The following FAM171B variants were observed in gnomAD, a reference collection of about 807,000 sequenced individuals.
FAM171B encodes family with sequence similarity 171 member B.
In FAM171B, 19 loss-of-function variants were observed where a neutral mutation model predicts 75.6. That is an observed-to-expected ratio of 0.25 (90% CI 0.18 to 0.37). The LOEUF (loss-of-function observed/expected upper bound fraction) is 0.37, where lower values mean the gene tolerates loss of function less well. FAM171B is among the 10% of genes least tolerant of loss of function. The probability of loss-of-function intolerance (pLI) is 1.00; values close to 1 mark genes in which losing one functional copy is unlikely to be tolerated. For synonymous variants in FAM171B, 367 were observed against 361.7 expected (o/e 1.01, Z -0.17); for missense variants, 848 against 982.4 (o/e 0.86, Z 1.83).
intron 1 of FAM171B, among the ~76,000 whole-genome samples, chr2:186,716,265 C>T (rs1689873656): frequency 6.6e-6 from 1 of 152,140 alleles, no homozygotes; most frequent in African/African-American, 2.4e-5. Context: ...CATCCTGCCT[C>T]AGCCTCCCAA....
At chr2:186,740,707 TG>T (rs1690277774) in intron 2 of FAM171B, among the ~76,000 whole-genome samples, 1 of 152,196 alleles carries the variant, frequency 6.6e-6, no homozygotes, top group East Asian at 1.9e-4. Flanking sequence ...TTCTGGAGTC[TG>T]GGAAGTCTAA....
intron 1 of FAM171B, among the ~76,000 whole-genome samples, chr2:186,696,721 C>G (rs1312535001): frequency 6.6e-6 from 1 of 151,870 alleles, no homozygotes; most frequent in African/African-American, 2.4e-5. Context: ...AATTCTGGAA[C>G]TTCACATTTT....
intron 6 of FAM171B, 49 bp downstream of exon 6, chr2:186,754,098 G>A: frequency 2.2e-6 from 3 of 1,391,896 alleles, no homozygotes; most frequent in Non-Finnish European, 3.0e-6. Context: ...AAATAGTCTT[G>A]CTGGAACGGA....
intron 1 of FAM171B, among the ~76,000 whole-genome samples, chr2:186,736,075 T>C (rs1257445145): frequency 6.6e-6 from 1 of 152,204 alleles, no homozygotes; most frequent in Non-Finnish European, 1.5e-5. Flanking sequence ...TGAATATATA[T>C]GAGATTGTTG....
intron 6 of FAM171B, among the ~76,000 whole-genome samples, chr2:186,754,696 A>ATAG (rs1690506653): frequency 1.3e-5 from 2 of 152,206 alleles, no homozygotes; most frequent in South Asian, 4.1e-4. Flanking sequence ...TGCAGACACT[A>ATAG]TCATTCAAGA....
At chr2:186,740,696 G>T (rs1365042654) in intron 2 of FAM171B, among the ~76,000 whole-genome samples, 1 of 152,174 alleles carries the variant, frequency 6.6e-6, no homozygotes, top group East Asian at 1.9e-4. Flanking sequence ...ATTTCTTGCA[G>T]TTCTGGAGTC....
rs1444988866 is a variant in FAM171B, at chr2:186,751,209, T to C, written c.800T>C (p.Val267Ala). ...KIYSGGKELK[V>A]NGSIQVSLPL... is the part of the protein sequence containing the mutation. ...TATTCTGGAGGAAAAGAACTAAAGG[T>C]CAATGGCTCTATTCAAGTTTCTCTT... The change falls in exon 5 of 8, where the codon GTC becomes GCC. Residue 267 changes from valine (V) to alanine (A), a missense_variant. Around this residue, in one of 3 missense-constraint regions of FAM171B, gnomAD observed 665 missense variants for 729.0 expected, o/e 0.91. Transcript: ENST00000304698. 6.2e-7 allele frequency: 1 copy of C among 1,612,034 alleles called. No homozygotes were observed. The highest frequency in any genetic ancestry group is 1.3e-5 in the African/African-American group (1 of 74,902).
intron 1 of FAM171B, among the ~76,000 whole-genome samples, chr2:186,697,404 C>T (rs1430893414): frequency 6.6e-6 from 1 of 151,982 alleles, no homozygotes; most frequent in African/African-American, 2.4e-5. Flanking sequence ...CTGGGCCCAG[C>T]TAATTTTTAA....
Position 186,763,092 on chromosome 2 carries a change from T to A in FAM171B, c.*269T>A, listed in dbSNP as rs1690647347. 2.8e-6 allele frequency: 1 copy of A among 352,924 alleles called. No homozygotes were observed. The highest frequency in any genetic ancestry group is 4.2e-5 in the South Asian group (1 of 23,664). The allele number at this position is 352,924 out of a possible 1,614,324, so 21.9% of individuals were successfully genotyped here. ...TCAAGATGTTAGTTATCTGAAAATG[T>A]TGCTCAGCCAGCCAGTTTGGCCTTG... On this transcript the variant is annotated 3_prime_UTR_variant, in exon 8 of 8. Coordinates refer to ENST00000304698, the MANE Select transcript of FAM171B (RefSeq NM_177454.4).
At chr2:186,744,817 G>A (rs1160767894) in intron 3 of FAM171B, among the ~76,000 whole-genome samples, 4 of 148,594 alleles carry the variant, frequency 2.7e-5, no homozygotes, top group South Asian at 2.1e-4. Context: ...ATGAGCCACC[G>A]TGCCTGACCA....
intron 6 of FAM171B, among the ~76,000 whole-genome samples, chr2:186,758,749 G>T (rs1394224287): frequency 6.6e-6 from 1 of 151,902 alleles, no homozygotes; most frequent in Admixed American, 6.6e-5. Context: ...TTTGATACAG[G>T]CATACAGTGC....
chr2:186,730,083 C>T (rs1362764078), intron 1 of FAM171B, among the ~76,000 whole-genome samples: 1 of 152,232 alleles, frequency 6.6e-6, no homozygotes, highest in African/African-American at 2.4e-5. Context: ...GCCTCAGCCT[C>T]CTGAGTAGCT....
At chr2:186,727,049 A>G (rs545832233) in intron 1 of FAM171B, among the ~76,000 whole-genome samples, 90 of 151,926 alleles carry the variant, frequency 5.9e-4, no homozygotes, top group Non-Finnish European at 8.8e-4. Flanking sequence ...TCTCTCTGCA[A>G]CGCCTCCTCT....
Position 186,751,155 on chromosome 2 carries a change from C to A in FAM171B, c.746C>A (p.Thr249Asn). Reference protein sequence around the residue: ...NKPGFENIELTPLAAICVKIY... With the variant: ...NKPGFENIELNPLAAICVKIY... ...ATAGGTTTTGAAAACATTGAATTGA[C>A]TCCTCTTGCTGCAATATGTGTGAAA... Residue 249 changes from threonine (T) to asparagine (N), a missense_variant, in exon 5 of 8, where the codon ACT becomes AAT. Around this residue, in one of 3 missense-constraint regions of FAM171B, gnomAD observed 665 missense variants for 729.0 expected, o/e 0.91. Coordinates refer to ENST00000304698, the MANE Select transcript of FAM171B (RefSeq NM_177454.4). The A allele has an allele frequency of 6.2e-7, 1 of 1,604,202 alleles. No homozygotes were observed. Among genetic ancestry groups the A allele is most frequent in the Non-Finnish European group, 8.5e-7 (1 of 1,173,692 alleles).
intron 1 of FAM171B, among the ~76,000 whole-genome samples, chr2:186,723,615 T>C (rs1689986951): frequency 6.6e-6 from 1 of 152,240 alleles, no homozygotes; most frequent in South Asian, 2.1e-4. Context: ...GCAACAATGT[T>C]GGTCCTAATC....
intron 1 of FAM171B, among the ~76,000 whole-genome samples, chr2:186,699,088 T>C (rs1282080784): frequency 6.6e-6 from 1 of 152,186 alleles, no homozygotes; most frequent in Non-Finnish European, 1.5e-5. Flanking sequence ...GCAATAAACA[T>C]GGCAGTACAG....
chr2:186,731,725 G>A (rs1007209078), intron 1 of FAM171B, among the ~76,000 whole-genome samples: 4 of 152,096 alleles, frequency 2.6e-5, no homozygotes, highest in East Asian at 1.9e-4. Flanking sequence ...TGTGAGCGGC[G>A]GGTGAGTCAG....
At position 186,762,596 on chromosome 2, in the gene FAM171B, G is replaced by A. The variant is rs760731510; in HGVS notation, c.2254G>A (p.Val752Ile). ...DLSSSESGTT[V>I]CSPEDPALRH... ...AAGCAGCAGTGAGAGTGGAACCACC[G>A]TCTGTTCCCCTGAGGACCCAGCTTT... Residue 752 changes from valine (V) to isoleucine (I), a missense_variant, in exon 8 of 8, where the codon GTC becomes ATC. Physicochemically the swap from Val to Ile is conservative, Grantham distance 29 (BLOSUM62 3). Transcript: ENST00000304698. The surrounding 1 kb of genome is among the most constrained non-coding windows in gnomAD (Gnocchi z 4.0). 4.2e-5 allele frequency: 67 copies of A among 1,613,272 alleles called. No individual in the cohort carries two copies. The highest frequency in any genetic ancestry group is 5.2e-5 in the Non-Finnish European group (61 of 1,179,690).
At chr2:186,741,686 G>C (rs1690290394) in intron 2 of FAM171B, among the ~76,000 whole-genome samples, 1 of 151,992 alleles carries the variant, frequency 6.6e-6, no homozygotes, top group Admixed American at 6.6e-5. Flanking sequence ...AACAAGATAG[G>C]ATCAGATTCT....
Sources: gnomAD v4.1 joint callset for allele counts (sites outside exome capture counted in the v4.1 genomes callset) on GRCh38, gnomAD v4.1.1 for gene constraint, gnomAD v4.1.1 regional missense constraint, Gnocchi (gnomAD v3.1) non-coding constraint, MANE v1.5 for transcripts, NCBI Gene and HGNC (gene_info 2026-07-23, HGNC 2026-07-21) for gene names.